CCDC102B: variants seen among roughly 807,000 people sequenced by gnomAD.
CCDC102B encodes the protein coiled-coil domain containing 102B, also known as coiled-coil domain-containing protein 102B.
In CCDC102B, 75 loss-of-function variants were observed where a neutral mutation model predicts 57.4. The ratio of observed to expected loss-of-function variants is 1.31; its 90% CI spans 1.08 to 1.58. The LOEUF (loss-of-function observed/expected upper bound fraction) is 1.58, where lower values mean the gene tolerates loss of function less well. Ranked by LOEUF, CCDC102B falls within the 40% of genes most tolerant of loss-of-function variation. The probability of loss-of-function intolerance (pLI) is 0.00; values close to 1 mark genes in which losing one functional copy is unlikely to be tolerated. For synonymous variants in CCDC102B, 206 were observed against 201.9 expected (o/e 1.02, Z -0.17); for missense variants, 636 against 582.6 (o/e 1.09, Z -0.94).
At chr18:68,936,543 C>A (rs1037284698) in intron 6 of CCDC102B, among the ~76,000 whole-genome samples, 2 of 151,790 alleles carry the variant, frequency 1.3e-5, no homozygotes, top group Non-Finnish European at 2.9e-5. Flanking sequence ...CTTGTATTAC[C>A]TTTATTACTG....
Position 68,863,470 on chromosome 18 carries a change from C to G in CCDC102B, c.937-11199C>G, listed in dbSNP as rs181607973. Among the ~76,000 whole-genome samples, 62 of 152,054 alleles carry G rather than the reference C, an allele frequency of 4.1e-4. No individual in the cohort carries two copies. In the East Asian group the frequency reaches 9.5e-3, roughly 23 times the overall value. On this transcript the variant is annotated intron_variant, in intron 4 of 7. Coordinates refer to ENST00000360242, the MANE Select transcript of CCDC102B (RefSeq NM_024781.3). ...ACTGTGGTATTAGCAGACTGATCCT[C>G]ATTGCCTAGAACCATAGATGAATCA...
At chr18:68,960,376 G>A (rs916475877) in intron 6 of CCDC102B, among the ~76,000 whole-genome samples, 1 of 151,922 alleles carries the variant, frequency 6.6e-6, no homozygotes, top group Non-Finnish European at 1.5e-5. Context: ...GGCTGAACTG[G>A]TATCCACAAT....
chr18:68,985,953 AG>A (rs1379184686), intron 6 of CCDC102B, among the ~76,000 whole-genome samples: 20 of 152,342 alleles, frequency 1.3e-4, no homozygotes, highest in Admixed American at 6.5e-4. Flanking sequence ...AGCATGGCAA[AG>A]ACCATGAGAA....
intron 6 of CCDC102B, among the ~76,000 whole-genome samples, chr18:68,987,761 A>G (rs896530726): frequency 1.3e-5 from 2 of 151,854 alleles, no homozygotes; most frequent in African/African-American, 4.9e-5. Context: ...TCTGAAAAGA[A>G]AGCAAACAAA....
At chr18:68,875,625 T>C (rs1182206552) in intron 5 of CCDC102B, among the ~76,000 whole-genome samples, 1 of 152,128 alleles carries the variant, frequency 6.6e-6, no homozygotes, top group African/African-American at 2.4e-5. Context: ...ATGAATATAG[T>C]GCAATGGGAA....
At chr18:69,022,229 C>T (rs1425170812) in intron 7 of CCDC102B, among the ~76,000 whole-genome samples, 1 of 125,082 alleles carries the variant, frequency 8.0e-6, no homozygotes, top group Non-Finnish European at 1.6e-5. Flanking sequence ...ATATAACACA[C>T]ACACACGCGT....
chr18:68,950,054 C>T (rs551310085), intron 6 of CCDC102B, among the ~76,000 whole-genome samples: 2 of 152,150 alleles, frequency 1.3e-5, no homozygotes, highest in South Asian at 2.1e-4. Context: ...AAGCTGACAA[C>T]CTAAATATTA....
intron 6 of CCDC102B, among the ~76,000 whole-genome samples, chr18:68,947,404 A>G (rs569382890): frequency 1.3e-5 from 2 of 152,226 alleles, no homozygotes; most frequent in African/African-American, 4.8e-5. Context: ...TAATGGCTGC[A>G]CATACATTAT....
chr18:68,957,351 A>G (rs1306916155), intron 6 of CCDC102B, among the ~76,000 whole-genome samples: 14 of 152,044 alleles, frequency 9.2e-5, no homozygotes, highest in Admixed American at 9.2e-4. Flanking sequence ...TTTTCCCAGC[A>G]TCATTTCTTA....
intron 7 of CCDC102B, among the ~76,000 whole-genome samples, chr18:69,038,730 T>C (rs2052357247): frequency 6.6e-6 from 1 of 151,936 alleles, no homozygotes; most frequent in Admixed American, 6.6e-5. Flanking sequence ...CTGATTTACA[T>C]ATTCTATATA....
chr18:68,900,351 A>G (rs1162014345), intron 6 of CCDC102B: 4 of 152,190 alleles, frequency 2.6e-5, no homozygotes, highest in African/African-American at 9.6e-5. Flanking sequence ...GTCTGATTTC[A>G]CAGACAATAG....
intron 1 of CCDC102B, among the ~76,000 whole-genome samples, chr18:68,829,847 T>C (rs1032803177): frequency 6.6e-6 from 1 of 151,966 alleles, no homozygotes; most frequent in Non-Finnish European, 1.5e-5. Context: ...TGCACAAAAA[T>C]ATTTGGAAAT....
chr18:68,984,056 A>G (rs1323731544), intron 6 of CCDC102B, among the ~76,000 whole-genome samples: 1 of 152,072 alleles, frequency 6.6e-6, no homozygotes, highest in African/African-American at 2.4e-5. Flanking sequence ...TTTTGATTTC[A>G]AAAGTTAGCA....
intron 2 of CCDC102B, among the ~76,000 whole-genome samples, chr18:68,723,454 A>T (rs2032450676): frequency 2.0e-5 from 3 of 152,158 alleles, no homozygotes; most frequent in Admixed American, 2.0e-4. Flanking sequence ...AGTCCCTTCC[A>T]CCTATCAGCC....
upstream of CCDC102B, among the ~76,000 whole-genome samples, chr18:68,793,790 A>G (rs2035542957): frequency 6.6e-6 from 1 of 152,174 alleles, no homozygotes; most frequent in Admixed American, 6.5e-5. Context: ...TAAGAAATTC[A>G]TAGCTTTTTG....
chr18:68,839,624 C>G (rs1244361808), intron 3 of CCDC102B, among the ~76,000 whole-genome samples: 1 of 152,162 alleles, frequency 6.6e-6, no homozygotes, highest in African/African-American at 2.4e-5. Context: ...TGCAAGGGCT[C>G]AAAGGCTGGC....
rs1439070837 is a variant in CCDC102B, at chr18:68,760,990, G to A, written c.-67+44396G>A. ...CAGCCTCTTTTGCAGCAAAGTAAAG[G>A]CATATTACTTATTTCTGACCAATGA... is the stretch of plus-strand genomic sequence containing the variant. On this transcript the variant is annotated intron_variant, in intron 2 of 3. Coordinates refer to the CCDC102B transcript ENST00000578970. 3.1e-4 allele frequency among the ~76,000 whole-genome samples: 47 copies of A among 151,996 alleles called. 1 individual carries two copies. Among genetic ancestry groups the A allele is most frequent in the Admixed American group, 3.1e-3 (47 of 15,246 alleles).
chr18:68,904,614 A>C (rs948366800), intron 6 of CCDC102B, among the ~76,000 whole-genome samples: 4 of 152,212 alleles, frequency 2.6e-5, no homozygotes, highest in Non-Finnish European at 5.9e-5. Flanking sequence ...GGTTTGAAAC[A>C]ATCAATAAAT....
chr18:69,034,652 G>A (rs969347153), intron 7 of CCDC102B, among the ~76,000 whole-genome samples: 21 of 151,560 alleles, frequency 1.4e-4, no homozygotes, highest in Non-Finnish European at 5.9e-5. Flanking sequence ...ACAAATGTGA[G>A]TTATCCAAAT....
Sources: allele counts gnomAD v4.1 joint callset (sites outside exome capture counted in the v4.1 genomes callset), GRCh38; gene constraint gnomAD v4.1.1; transcripts MANE v1.5; gene names NCBI Gene and HGNC (gene_info 2026-07-23, HGNC 2026-07-21).